NBPF20: variants seen among roughly 807,000 people sequenced by gnomAD.
NBPF20 encodes NBPF family member NBPF20.
NBPF20 carries 90 observed loss-of-function variants against 68.1 expected under a neutral mutation model. That is an observed-to-expected ratio of 1.32 (90% confidence interval 1.11 to 1.58). The LOEUF is 1.58. Among genes scored for constraint, NBPF20 ranks in the 40% most tolerant of loss-of-function variants. NBPF20 has a pLI of 0.00. For missense variants in NBPF20, 816 were observed against 601.2 expected, an observed-to-expected ratio of 1.36 and a Z score of -3.74; for synonymous variants, 290 against 228.1, an observed-to-expected ratio of 1.27 and a Z score of -2.45.
chr1:145,399,887 C>A (rs1342813079), intron 6 of NBPF20, among the ~76,000 whole-genome samples: 1 of 148,958 alleles, frequency 6.7e-6, no homozygotes, highest in Non-Finnish European at 1.5e-5. Flanking sequence ...GGAAATATAT[C>A]AGCAAAGTAA....
intron 3 of NBPF20, among the ~76,000 whole-genome samples, 155 bp downstream of exon 8, chr1:145,403,061 T>C (rs1183348394): frequency 6.6e-6 from 1 of 152,128 alleles, no homozygotes; most frequent in Admixed American, 6.5e-5. Context: ...TTATCCTTCT[T>C]CTCTGTTTGA....
exon 5 of NBPF20, chr1:145,401,129 T>C: frequency 6.2e-7 from 1 of 1,604,776 alleles, no homozygotes; most frequent in Non-Finnish European, 8.5e-7. Context: ...TCGTTGTCAT[T>C]TTCTGTAAAT....
chr1:145,292,031 G>A (rs1304583389), intron 137 of NBPF20, among the ~76,000 whole-genome samples: 6 of 149,616 alleles, frequency 4.0e-5, no homozygotes, highest in Admixed American at 2.6e-4. Flanking sequence ...GTGACATACT[G>A]GTAAGGGAGT....
rs1383244972 is a variant in NBPF20, at chr1:145,292,089, A to C, written c.16697+292T>G. ...TCCTCATGACACACAGCAAACTGTGATCATGAAAAGAGTGAGCTCAATAGT... is the reference window on the plus strand; with the variant it reads ...TCCTCATGACACACAGCAAACTGTGCTCATGAAAAGAGTGAGCTCAATAGT... On this transcript the variant is annotated intron_variant, in intron 137 of 137. Coordinates refer to ENST00000369373, the Ensembl canonical transcript of NBPF20. Among the ~76,000 whole-genome samples, 102 of 149,746 alleles carry C rather than the reference A, an allele frequency of 6.8e-4. 2 individuals are homozygous for C. Among genetic ancestry groups the C allele is most frequent in the Non-Finnish European group, 1.2e-3 (85 of 68,010 alleles).
chr1:145,292,715 C>G (rs1661218688), intron 136 of NBPF20, among the ~76,000 whole-genome samples: 1 of 141,478 alleles, frequency 7.1e-6, no homozygotes, highest in African/African-American at 2.9e-5. Flanking sequence ...ATCGTTATCC[C>G]AATATCATTT....
intron 136 of NBPF20, 128 bp from the exon 142 acceptor site, chr1:145,292,617 T>A (rs1553658409): frequency 2.7e-6 from 2 of 745,652 alleles, no homozygotes; most frequent in African/African-American, 1.9e-5. Flanking sequence ...TTGAGAGATA[T>A]ATTTCAGGAG....
At chr1:145,404,845 C>T (rs1281740538) in intron 2 of NBPF20, among the ~76,000 whole-genome samples, 3 of 150,552 alleles carry the variant, frequency 2.0e-5, no homozygotes, top group Admixed American at 1.3e-4. Flanking sequence ...GAAAACAGGT[C>T]GTTCTGTGCC....
chr1:145,400,906 G>A (rs1553665197), intron 5 of NBPF20, among the ~76,000 whole-genome samples, 153 bp downstream of exon 10: 7 of 152,038 alleles, frequency 4.6e-5, no homozygotes, highest in Non-Finnish European at 1.0e-4. Context: ...CATGACAGCT[G>A]CCGCACCCTG....
Position 145,403,594 on chromosome 1 carries a change from G to C in NBPF20, c.176-276C>G, listed in dbSNP as rs878947078. On this transcript the variant is annotated intron_variant, in intron 2 of 137. Transcript: ENST00000369373. ...GAAGTGGAGTCAGAATTCACAGTCC[G>C]TGAGGTCTGACTCTGAATGCGGGGC... 4.6e-4 allele frequency among the ~76,000 whole-genome samples: 69 copies of C among 149,920 alleles called. 1 individual carries two copies. Among genetic ancestry groups the C allele is most frequent in the Middle Eastern group, 3.5e-3 (1 of 288 alleles).
chr1:145,291,785 A>G lies in NBPF20; in HGVS notation c.16698-16T>C. The G allele has an allele frequency of 2.5e-6, 4 of 1,612,000 alleles. No homozygotes were observed. The highest frequency in any genetic ancestry group is 3.4e-6 in the Non-Finnish European group (4 of 1,179,862). ...GCCGTTGAGCCTGGAAAAGGAGACA[A>G]AACTAAAGAAGCAGCCAGGGAAAAT... On this transcript the variant is annotated splice_polypyrimidine_tract_variant and intron_variant, in intron 137 of 137. Transcript: ENST00000369373.
At chr1:145,397,720 A>G (rs1423559869) in intron 7 of NBPF20, among the ~76,000 whole-genome samples, 1 of 152,252 alleles carries the variant, frequency 6.6e-6, no homozygotes, top group Non-Finnish European at 1.5e-5. Context: ...ACAGGATCAA[A>G]TTCACACATA....
chr1:145,409,736 G>T (rs587665885), upstream of NBPF20, among the ~76,000 whole-genome samples: 1 of 151,802 alleles, frequency 6.6e-6, no homozygotes, highest in East Asian at 1.9e-4. Context: ...TGAGGTTCCA[G>T]AGGAAGGTCT....
intron 9 of NBPF20, 90 bp downstream of exon 14, chr1:145,393,794 A>G: frequency 7.4e-7 from 1 of 1,344,046 alleles, no homozygotes; most frequent in Non-Finnish European, 1.1e-6. Context: ...ACAAGACAAA[A>G]TCATTATTTT....
intron 3 of NBPF20, 60 bp from the exon 9 acceptor site, chr1:145,402,441 T>G: frequency 6.3e-7 from 1 of 1,581,134 alleles, no homozygotes; most frequent in Non-Finnish European, 8.7e-7. Flanking sequence ...CGCTCAAATA[T>G]TGCAACAGAG....
At chr1:145,400,170 G>C (rs1662450537) in intron 6 of NBPF20, among the ~76,000 whole-genome samples, 1 of 152,210 alleles carries the variant, frequency 6.6e-6, no homozygotes, top group African/African-American at 2.4e-5. Flanking sequence ...AGGTGACTAT[G>C]AGATTGTCAC....
At chr1:145,405,750 C>G, upstream of NBPF20, 1 of 439,714 alleles carries the variant, frequency 2.3e-6, no homozygotes, top group Non-Finnish European at 4.0e-6. Context: ...ATGCCACAGA[C>G]CCGTGTCTTT....
intron 3 of NBPF20, among the ~76,000 whole-genome samples, chr1:145,402,751 C>T (rs1382453789): frequency 2.0e-5 from 3 of 148,696 alleles, no homozygotes; most frequent in Non-Finnish European, 4.4e-5. Flanking sequence ...AAGCTATGTA[C>T]AGAAATGAGG....
At chr1:145,393,703 G>T (rs1553662876) in intron 9 of NBPF20, 181 bp downstream of exon 14, 876 of 1,468,362 alleles carry the variant, frequency 6.0e-4, no homozygotes, top group Non-Finnish European at 7.2e-4. Flanking sequence ...AAATGATAAG[G>T]GTAGGAAGAA....
Position 145,402,681 on chromosome 1 carries a change from C to T in NBPF20, c.279-300G>A, listed in dbSNP as rs1346775729. Among the ~76,000 whole-genome samples, 4 of 150,572 alleles carry T rather than the reference C, an allele frequency of 2.7e-5. No homozygotes were observed. The East Asian group carries it at 7.8e-4, about 29-fold the overall frequency. On this transcript the variant is annotated intron_variant, in intron 3 of 137. Coordinates refer to ENST00000369373, the Ensembl canonical transcript of NBPF20. ...AAAGACATCCTTTCAGTTCCTCACT[C>T]TGGCCATGGACATTTCCATGTGAAA...
Sources: gnomAD v4.1 joint callset for allele counts (sites outside exome capture counted in the v4.1 genomes callset) on GRCh38, gnomAD v4.1.1 for gene constraint, MANE v1.5 for transcripts, NCBI Gene and HGNC (gene_info 2026-07-23, HGNC 2026-07-21) for gene names.